KCNK13: variants seen among roughly 807,000 people sequenced by gnomAD.
KCNK13 encodes the protein potassium two pore domain channel subfamily K member 13.
A neutral mutation model predicts 23.4 loss-of-function variants in KCNK13; 12 were observed. That is an observed-to-expected ratio of 0.51 (90% CI 0.33 to 0.83). The LOEUF (loss-of-function observed/expected upper bound fraction) is 0.83. KCNK13 is among the 40% of genes least tolerant of loss of function. KCNK13 has a pLI of 0.02. For missense variants in KCNK13, 463 were observed against 556.3 expected (o/e 0.83, Z 1.69); for synonymous variants, 231 against 229.5 (o/e 1.01, Z -0.06).
In KCNK13 at chr14:90,184,040, C is replaced by A; in HGVS notation, c.335-71C>A. On this transcript the variant is annotated intron_variant, in intron 1 of 1. Transcript: ENST00000282146. The surrounding 1 kb of genome is among the most constrained non-coding windows in gnomAD (Gnocchi z 5.6). ...TCTCTTTAGGTCCTTTGCCAGCCAT[C>A]AAAGCCAAGACCTAGACCCCATTCA... 2 of 1,398,952 alleles carry A rather than the reference C, an allele frequency of 1.4e-6. No individual in the cohort carries two copies. The highest frequency in any genetic ancestry group is 2.0e-6 in the Non-Finnish European group (2 of 1,020,990). The allele number at this position is 1,398,952 out of a possible 1,614,324, so 86.7% of individuals were successfully genotyped here.
At chr14:90,182,959 C>T (rs1890505039) in intron 1 of KCNK13, among the ~76,000 whole-genome samples, 2 of 152,076 alleles carry the variant, frequency 1.3e-5, no homozygotes, top group Admixed American at 1.3e-4. Context: ...ACCCCTCCAC[C>T]CATCAGCCTT....
chr14:90,152,030 A>G (rs1890138939), intron 1 of KCNK13, among the ~76,000 whole-genome samples: 1 of 152,084 alleles, frequency 6.6e-6, no homozygotes. Flanking sequence ...AGTAGCTGAT[A>G]TGGTTTGGCT....
At chr14:90,122,667 C>A (rs1009618596) in intron 1 of KCNK13, among the ~76,000 whole-genome samples, 3 of 151,520 alleles carry the variant, frequency 2.0e-5, no homozygotes, top group Admixed American at 2.0e-4. Flanking sequence ...GTTTTGTTTG[C>A]GACACGATAT....
At chr14:90,170,236 C>T (rs1439786530) in intron 1 of KCNK13, among the ~76,000 whole-genome samples, 2 of 151,904 alleles carry the variant, frequency 1.3e-5, no homozygotes, top group African/African-American at 2.4e-5. Context: ...TATTTTGAGA[C>T]AGAGTCTCAC....
chr14:90,182,708 C>G (rs1357718415), intron 1 of KCNK13, among the ~76,000 whole-genome samples: 3 of 151,880 alleles, frequency 2.0e-5, no homozygotes, highest in African/African-American at 7.3e-5. Flanking sequence ...GCAGTCCCAG[C>G]TACTTGGAAG....
Position 90,115,821 on chromosome 14 carries a change from T to C in KCNK13, c.334+53282T>C, listed in dbSNP as rs28470528. Among the ~76,000 whole-genome samples, 1,191 of 152,358 alleles carry C rather than the reference T, an allele frequency of 7.8e-3. 19 individuals are homozygous for C. Among genetic ancestry groups the C allele is most frequent in the African/African-American group, 0.028 (1,153 of 41,592 alleles). On this transcript the variant is annotated intron_variant, in intron 1 of 1. Coordinates refer to ENST00000282146, the MANE Select transcript of KCNK13 (RefSeq NM_022054.4). Reference sequence around the variant, plus strand: ...GCCCAGGCAATTAAATCAGAATCTCTGTGGGTGGTGCCCAGGCATTGGTAT... The same window carrying C: ...GCCCAGGCAATTAAATCAGAATCTCCGTGGGTGGTGCCCAGGCATTGGTAT...
chr14:90,094,926 C>T lies in KCNK13; in HGVS notation c.334+32387C>T, dbSNP rs547268851. Among the ~76,000 whole-genome samples the T allele has an allele frequency of 5.3e-5, 8 of 152,210 alleles. No individual in the cohort carries two copies. The South Asian group carries it at 8.3e-4, about 16-fold the overall frequency. ...CCTCCCAAAATGCTGGGATTACAGG[C>T]GTGAGCCACCATGCCCAGCCTATCA... is the stretch of plus-strand genomic sequence containing the variant. On this transcript the variant is annotated intron_variant, in intron 1 of 1. Coordinates refer to ENST00000282146, the MANE Select transcript of KCNK13 (RefSeq NM_022054.4).
intron 1 of KCNK13, among the ~76,000 whole-genome samples, chr14:90,160,717 C>T (rs936150360): frequency 2.6e-5 from 4 of 151,770 alleles, no homozygotes; most frequent in Admixed American, 6.6e-5. Context: ...GTGGCAGGCA[C>T]CTGTAATCCC....
Position 90,116,488 on chromosome 14 carries a change from T to G in KCNK13, c.334+53949T>G, listed in dbSNP as rs576471006. 3.3e-5 allele frequency among the ~76,000 whole-genome samples: 5 copies of G among 152,320 alleles called. No individual in the cohort carries two copies. In the East Asian group the frequency reaches 9.6e-4, roughly 29 times the overall value. The stretch of plus-strand genomic sequence containing the variant: ...GAAAAGGAAGTTCCGTGTGCCCTGT[T>G]GGCTCATGTATATCAGGGGACAATG... On this transcript the variant is annotated intron_variant, in intron 1 of 1. Transcript: ENST00000282146.
chr14:90,179,528 C>G (rs1890462051), intron 1 of KCNK13, among the ~76,000 whole-genome samples: 1 of 151,968 alleles, frequency 6.6e-6, no homozygotes, highest in South Asian at 2.1e-4. Flanking sequence ...AGAATCTGCC[C>G]CAGAAATTAC....
Position 90,184,785 on chromosome 14 carries a change from ACG to A in KCNK13, c.1010_1011del (p.Thr337ArgfsTer32). 1 of 1,612,878 alleles carries A rather than the reference ACG, an allele frequency of 6.2e-7. No individual in the cohort carries two copies. The highest frequency in any genetic ancestry group is 8.5e-7 in the Non-Finnish European group (1 of 1,178,996). On this transcript the variant is annotated frameshift_variant, in exon 2 of 2. Coordinates refer to ENST00000282146, the MANE Select transcript of KCNK13 (RefSeq NM_022054.4). LOFTEE classifies it high-confidence loss of function. This position sits in a 1 kb window ranked among gnomAD's most constrained non-coding sequence, Gnocchi z 5.6. Reference protein sequence around the residue: ...IETDGVAESDTDGRRLSGEMI... With the variant: ...IETDGVAESDXDGRRLSGEMI... ...GACAGACGGGGTGGCAGAGAGTGACACGGACGGGCGCCGGCTCTCAGGGGAGA... is the reference window on the plus strand; with the variant it reads ...GACAGACGGGGTGGCAGAGAGTGACAGACGGGCGCCGGCTCTCAGGGGAGA...
intron 1 of KCNK13, among the ~76,000 whole-genome samples, chr14:90,120,278 C>T (rs12894176): frequency 0.47 from 72,026 of 151,910 alleles, 17,124 homozygotes; most frequent in South Asian, 0.5. Context: ...GTATTCCATA[C>T]GTGATGTGTG....
chr14:90,141,148 CA>C (rs1056796777), intron 1 of KCNK13, among the ~76,000 whole-genome samples: 1 of 152,192 alleles, frequency 6.6e-6, no homozygotes, highest in African/African-American at 2.4e-5. Flanking sequence ...GCCTGTCCCT[CA>C]GGAAGTGACT....
At position 90,062,640 on chromosome 14, in the gene KCNK13, GC is replaced by G; in HGVS notation, c.334+104del. ...CATCCTTTCATTCATCCATCTGGGC[GC>G]CCAGCCAGACTCCACTGACATGAGC... On this transcript the variant is annotated intron_variant, in intron 1 of 1. Coordinates refer to ENST00000282146, the MANE Select transcript of KCNK13 (RefSeq NM_022054.4). This position sits in a 1 kb window ranked among gnomAD's most constrained non-coding sequence, Gnocchi z 4.5. 1.1e-6 allele frequency: 1 copy of G among 918,362 alleles called. No homozygotes were observed. Among genetic ancestry groups the G allele is most frequent in the Non-Finnish European group, 1.6e-6 (1 of 634,568 alleles). The allele number at this position is 918,362 out of a possible 1,614,324, so 56.9% of individuals were successfully genotyped here.
In KCNK13 at chr14:90,064,457, G is replaced by C. The variant is rs58443806; in HGVS notation, c.334+1918G>C. Among the ~76,000 whole-genome samples, 383 of 152,120 alleles carry C rather than the reference G, an allele frequency of 2.5e-3. 1 individual carries two copies. Among genetic ancestry groups the C allele is most frequent in the African/African-American group, 8.2e-3 (338 of 41,404 alleles). ...ATAGGAACATGGGCTTTGGGGATAC[G>C]AATATGACAATGTGGCATGGAGGAG... is the stretch of plus-strand genomic sequence containing the variant. On this transcript the variant is annotated intron_variant, in intron 1 of 1. Transcript: ENST00000282146.
rs117897040 is a variant in KCNK13, at chr14:90,174,737, C to T, written c.335-9374C>T. The stretch of plus-strand genomic sequence containing the variant: ...TGTTTGGTATTGTAAACCAATAGTC[C>T]CAGCTACGTAGGAGGCTGAGGCAAG... On this transcript the variant is annotated intron_variant, in intron 1 of 1. Coordinates refer to ENST00000282146, the MANE Select transcript of KCNK13 (RefSeq NM_022054.4). Among the ~76,000 whole-genome samples the T allele has an allele frequency of 2.9e-3, 434 of 151,934 alleles. 10 individuals are homozygous for T. In the East Asian group the frequency reaches 0.062, roughly 22 times the overall value.
chr14:90,169,863 C>A (rs1378276179), intron 1 of KCNK13, among the ~76,000 whole-genome samples: 3 of 152,096 alleles, frequency 2.0e-5, no homozygotes, highest in Admixed American at 6.5e-5. Flanking sequence ...CTGCCGGGGG[C>A]AGAGATGATT....
chr14:90,078,481 G>A (rs1249630760), intron 1 of KCNK13, among the ~76,000 whole-genome samples: 1 of 150,926 alleles, frequency 6.6e-6, no homozygotes, highest in African/African-American at 2.4e-5. Flanking sequence ...GGGAAGGAAG[G>A]AAGGAAGAAA....
chr14:90,083,525 A>G (rs1889237253), intron 1 of KCNK13, among the ~76,000 whole-genome samples: 1 of 152,216 alleles, frequency 6.6e-6, no homozygotes, highest in Admixed American at 6.5e-5. Flanking sequence ...AATTGCCATT[A>G]TAACAATATA....
Sources: gnomAD v4.1 joint callset for allele counts (sites outside exome capture counted in the v4.1 genomes callset) on GRCh38, gnomAD v4.1.1 for gene constraint, Gnocchi (gnomAD v3.1) non-coding constraint, MANE v1.5 for transcripts, NCBI Gene and HGNC (gene_info 2026-07-23, HGNC 2026-07-21) for gene names.